The following GFPT2 variants were observed in gnomAD, a reference collection of about 807,000 sequenced individuals.
GFPT2 encodes the protein glutamine--fructose-6-phosphate transaminase 2.
In GFPT2, 62 loss-of-function variants were observed where a neutral mutation model predicts 85.6. The observed-to-expected ratio is 0.72, with a 90% CI of 0.59 to 0.90. The LOEUF is 0.90. GFPT2 is among the 40% of genes least tolerant of loss of function. The probability of loss-of-function intolerance (pLI) is 0.00; values close to 1 mark genes in which losing one functional copy is unlikely to be tolerated. For synonymous variants in GFPT2, 368 were observed against 344.5 expected, an observed-to-expected ratio of 1.07 and a Z score of -0.75; for missense variants, 788 against 893.4, an observed-to-expected ratio of 0.88 and a Z score of 1.50.
intron 9 of GFPT2, among the ~76,000 whole-genome samples, chr5:180,320,813 G>A (rs539473530): frequency 6.6e-6 from 1 of 152,236 alleles, no homozygotes; most frequent in Admixed American, 6.5e-5. Context: ...ACACGTGACT[G>A]CCTGAAAATG....
chr5:180,314,066 C>T, intron 13 of GFPT2, 102 bp from the exon 14 acceptor site: 2 of 1,164,886 alleles, frequency 1.7e-6, no homozygotes, highest in South Asian at 3.1e-5. Context: ...AATCGGCGCC[C>T]GAGACACAGC....
At chr5:180,322,028 C>T (rs1764132284) in intron 9 of GFPT2, among the ~76,000 whole-genome samples, 1 of 151,938 alleles carries the variant, frequency 6.6e-6, no homozygotes, top group Admixed American at 6.6e-5. Flanking sequence ...ATCTCATGAT[C>T]TGTCCGCCTC....
chr5:180,318,911 A>G lies in GFPT2; in HGVS notation c.840T>C (p.Asp280=). Residue 280 remains aspartate, a synonymous_variant, in exon 10 of 19, where the codon GAT becomes GAC. Coordinates refer to ENST00000253778, the MANE Select transcript of GFPT2 (RefSeq NM_005110.4). The surrounding 1 kb of genome is among the most constrained non-coding windows in gnomAD (Gnocchi z 4.2). ...TCCCATCAGCCACTGCGGCGATGTC[A>G]TCGTCCTCCAGGAAGATGACCCGGT... ...HTNRVIFLED[D]DIAAVADGKL... is the part of the protein sequence containing the mutation. 2 of 1,613,748 alleles carry G rather than the reference A, an allele frequency of 1.2e-6. No individual in the cohort carries two copies. Among genetic ancestry groups the G allele is most frequent in the Non-Finnish European group, 1.7e-6 (2 of 1,180,022 alleles).
chr5:180,302,847 G>C (rs547489544), intron 17 of GFPT2, among the ~76,000 whole-genome samples: 1 of 152,180 alleles, frequency 6.6e-6, no homozygotes, highest in African/African-American at 2.4e-5. Context: ...GTGCCTTGCC[G>C]AGAGCGGGGC....
intron 15 of GFPT2, among the ~76,000 whole-genome samples, chr5:180,312,076 T>G (rs751129474): frequency 1.7e-3 from 36 of 21,456 alleles, no homozygotes; most frequent in African/African-American, 1.9e-3. Flanking sequence ...GCGGGGAGGC[T>G]GAGGACCAGG....
Position 180,313,858 on chromosome 5 carries a change from G to A in GFPT2, c.1380C>T (p.Asp460=). The A allele has an allele frequency of 6.2e-7, 1 of 1,601,522 alleles. No homozygotes were observed. Among genetic ancestry groups the A allele is most frequent in the African/African-American group, 1.3e-5 (1 of 74,932 alleles). ...GCCCTGCGTTGATGTGGACGCCGCA[G>A]TCGGTCTCGCGAGAGATGGAGCTGC... The part of the protein sequence containing the change: ...TVGSSISRET[D]CGVHINAGPE... The change falls in exon 14 of 19, where the codon GAC becomes GAT. Residue 460 remains aspartate (D), a synonymous_variant. Coordinates refer to ENST00000253778, the MANE Select transcript of GFPT2 (RefSeq NM_005110.4).
chr5:180,319,852 T>C (rs4323198), intron 9 of GFPT2, among the ~76,000 whole-genome samples: 1 of 151,720 alleles, frequency 6.6e-6, no homozygotes, highest in African/African-American at 2.4e-5. Context: ...ACACCAGGGG[T>C]TGCACTCAGC....
At chr5:180,331,284 G>A in intron 5 of GFPT2, 1 of 575,734 alleles carries the variant, frequency 1.7e-6, no homozygotes, top group Non-Finnish European at 3.0e-6. Flanking sequence ...TGGCCCTTGA[G>A]ATAAACACTA....
At chr5:180,315,202 G>T (rs1450434692) in intron 13 of GFPT2, among the ~76,000 whole-genome samples, 20 of 150,516 alleles carry the variant, frequency 1.3e-4, no homozygotes, top group African/African-American at 4.2e-4. Flanking sequence ...TTTTGAGACG[G>T]AGTCTCGCTC....
At chr5:180,316,214 T>G (rs1351811140) in intron 13 of GFPT2, 127 bp downstream of exon 13, 4 of 916,156 alleles carry the variant, frequency 4.4e-6, no homozygotes, top group Non-Finnish European at 6.7e-6. Flanking sequence ...ACGGGTTAAA[T>G]GACCGCTGCA....
In GFPT2 at chr5:180,313,799, C is replaced by T; in HGVS notation, c.1431+8G>A. On this transcript the variant is annotated splice_region_variant and intron_variant, in intron 14 of 18. Transcript: ENST00000253778. ...CTCCCTGGGACGGGCGCCCGTGGCTCCTCCTACCTTGGTGCTGGCCACGCC... is the reference window on the plus strand; with the variant it reads ...CTCCCTGGGACGGGCGCCCGTGGCTTCTCCTACCTTGGTGCTGGCCACGCC... The T allele has an allele frequency of 6.5e-7, 1 of 1,544,806 alleles. No individual in the cohort carries two copies. The highest frequency in any genetic ancestry group is 8.7e-7 in the Non-Finnish European group (1 of 1,149,910).
chr5:180,336,949 T>C (rs185503985), intron 2 of GFPT2, among the ~76,000 whole-genome samples: 2 of 152,390 alleles, frequency 1.3e-5, no homozygotes, highest in African/African-American at 2.4e-5. Flanking sequence ...GTATCTCCAC[T>C]GCGTTAGTGT....
chr5:180,329,191 G>A (rs370952416), intron 6 of GFPT2, among the ~76,000 whole-genome samples: 7 of 152,178 alleles, frequency 4.6e-5, no homozygotes, highest in East Asian at 1.9e-4. Context: ...TGGAAGCCAC[G>A]GGCAGCCCCA....
At position 180,324,247 on chromosome 5, in the gene GFPT2, G is replaced by A. The variant is rs754237405; in HGVS notation, c.735C>T (p.Ser245=). 18 of 1,612,910 alleles carry A rather than the reference G, an allele frequency of 1.1e-5. No homozygotes were observed. Among genetic ancestry groups the A allele is most frequent in the African/African-American group, 2.7e-5 (2 of 74,912 alleles). ...TGTCGCCCACAGCATGCAGGCAGGC[G>A]GAGCTGTCCAGCCTCTTCATCCGTG... ...CKTRMKRLDS[S]ACLHAVGDKA... is the part of the protein sequence containing the mutation. The change falls in exon 9 of 19, where the codon TCC becomes TCT. Residue 245 remains serine, a synonymous_variant. Coordinates refer to ENST00000253778, the MANE Select transcript of GFPT2 (RefSeq NM_005110.4).
chr5:180,337,802 C>G (rs557929353), intron 2 of GFPT2, among the ~76,000 whole-genome samples: 2 of 152,260 alleles, frequency 1.3e-5, no homozygotes, highest in South Asian at 2.1e-4. Flanking sequence ...AGAGTCTGCT[C>G]CTGCCCTCTT....
In GFPT2 at chr5:180,301,220, T is replaced by C; in HGVS notation, c.*344A>G. On this transcript the variant is annotated 3_prime_UTR_variant, in exon 19 of 19. Coordinates refer to ENST00000253778, the MANE Select transcript of GFPT2 (RefSeq NM_005110.4). ...TAACTTAAAAGCTATACAGTCGTCA[T>C]TATAAATATCTTGTCTTTTAAAACT... 1 of 345,772 alleles carries C rather than the reference T, an allele frequency of 2.9e-6. No individual in the cohort carries two copies. Among genetic ancestry groups the C allele is most frequent in the Non-Finnish European group, 5.2e-6 (1 of 190,546 alleles). The allele number at this position is 345,772 out of a possible 1,614,324, so 21.4% of individuals were successfully genotyped here. A position where few individuals can be genotyped will look rare whatever the true frequency, so the allele number is the denominator to read the frequency against.
Position 180,313,977 on chromosome 5 carries a change from G to A in GFPT2, c.1274-13C>T, listed in dbSNP as rs930300666. ...TCCGCGGTCTCGCCTGCCGCCCAGGGGCCCTCTCAGTGCCGCGCTCCGCCA... is the reference window on the plus strand; with the variant it reads ...TCCGCGGTCTCGCCTGCCGCCCAGGAGCCCTCTCAGTGCCGCGCTCCGCCA... On this transcript the variant is annotated splice_polypyrimidine_tract_variant and intron_variant, in intron 13 of 18. Coordinates refer to ENST00000253778, the MANE Select transcript of GFPT2 (RefSeq NM_005110.4). 4 of 1,587,174 alleles carry A rather than the reference G, an allele frequency of 2.5e-6. No homozygotes were observed. The highest frequency in any genetic ancestry group is 2.6e-6 in the Non-Finnish European group (3 of 1,173,450).
rs1472901363 is a variant in GFPT2, at chr5:180,318,061, T to C, written c.958+732A>G. ...TAGGGGAGGGGCTGGGGAGGGACCA[T>C]GGCAGACACAGGAGCAGAGAAGGAG... On this transcript the variant is annotated intron_variant, in intron 10 of 18. Transcript: ENST00000253778. This position sits in a 1 kb window ranked among gnomAD's most constrained non-coding sequence, Gnocchi z 4.2. Among the ~76,000 whole-genome samples, 2 of 151,950 alleles carry C rather than the reference T, an allele frequency of 1.3e-5. No homozygotes were observed. The highest frequency in any genetic ancestry group is 3.9e-4 in the East Asian group (2 of 5,170).
chr5:180,313,999 G>GCCAGCCT, intron 13 of GFPT2, 35 bp from the exon 14 acceptor site: 2 of 1,546,166 alleles, frequency 1.3e-6, no homozygotes, highest in Non-Finnish European at 1.7e-6. Flanking sequence ...GCCGCGCTCC[G>GCCAGCCT]CCAGCCTCGG....
Sources: allele counts gnomAD v4.1 joint callset (sites outside exome capture counted in the v4.1 genomes callset), GRCh38; gene constraint gnomAD v4.1.1; non-coding constraint Gnocchi (gnomAD v3.1); transcripts MANE v1.5; gene names NCBI Gene and HGNC (gene_info 2026-07-23, HGNC 2026-07-21).